Variants in C16orf78 observed in about 807,000 individuals in gnomAD.
The protein encoded by C16orf78 is chromosome 16 open reading frame 78.
A neutral mutation model predicts 27.3 loss-of-function variants in C16orf78; 19 were observed. The observed-to-expected ratio is 0.70, with a 90% confidence interval of 0.49 to 1.02. The LOEUF is 1.02. Ranked by LOEUF, C16orf78 falls within the 50% of genes least tolerant of loss-of-function variation. The pLI is 0.00. For synonymous variants in C16orf78, 130 were observed against 116.1 expected (o/e 1.12, Z -0.77); for missense variants, 339 against 337.0 (o/e 1.01, Z -0.05).
At position 49,396,691 on chromosome 16, in the gene C16orf78, AC is replaced by A. The variant is rs753777579; in HGVS notation, c.650+18del. 1.2e-6 allele frequency: 2 copies of A among 1,602,330 alleles called. No homozygotes were observed. Among genetic ancestry groups the A allele is most frequent in the Admixed American group, 3.3e-5 (2 of 59,902 alleles). Reference sequence around the variant, plus strand: ...TGCTGAGCTGCCGGTGAGAGCTGCCACCCCCTGGGCAGATGGGGTGGGGTCC... The same window carrying A: ...TGCTGAGCTGCCGGTGAGAGCTGCCACCCCTGGGCAGATGGGGTGGGGTCC... On this transcript the variant is annotated intron_variant, in intron 4 of 4. Coordinates refer to ENST00000299191, the MANE Select transcript of C16orf78 (RefSeq NM_144602.4).
rs143423404 is a variant in C16orf78, at chr16:49,378,496, C to T, written c.297C>T (p.Asp99=). 1.2e-5 allele frequency: 19 copies of T among 1,596,658 alleles called. No homozygotes were observed. Among genetic ancestry groups the T allele is most frequent in the Middle Eastern group, 1.6e-4 (1 of 6,068 alleles). ...QQALGKRFRK[D]AASYRSLYGV... ...CCTTAGGAAAGAGATTCAGGAAGGA[C>T]GCCGCCTCCTACCGAAGCCTCTATG... Residue 99 remains aspartate, a synonymous_variant, in exon 3 of 5, where the codon GAC becomes GAT. Transcript: ENST00000299191.
chr16:49,378,768 C>A (rs56152748), intron 3 of C16orf78, among the ~76,000 whole-genome samples, 175 bp downstream of exon 3: 1 of 152,086 alleles, frequency 6.6e-6, no homozygotes. Context: ...CTCCTGGGGT[C>A]GCTCTTGGCA....
intron 3 of C16orf78, among the ~76,000 whole-genome samples, chr16:49,384,113 C>A (rs1035756337): frequency 6.6e-6 from 1 of 152,092 alleles, no homozygotes; most frequent in Non-Finnish European, 1.5e-5. Flanking sequence ...CTTTGGGAGG[C>A]CAAGGCAGGT....
At chr16:49,393,672 AC>A (rs1463374887) in intron 3 of C16orf78, among the ~76,000 whole-genome samples, 2 of 152,080 alleles carry the variant, frequency 1.3e-5, no homozygotes, top group African/African-American at 4.8e-5. Flanking sequence ...AAATGCCAAC[AC>A]TTTTATTAGT....
At chr16:49,378,429 T>A in intron 2 of C16orf78, 41 bp from the exon 3 acceptor site, 1 of 1,544,042 alleles carries the variant, frequency 6.5e-7, no homozygotes, top group Non-Finnish European at 8.7e-7. Flanking sequence ...GCGAGCCAGG[T>A]CCTGTAACTG....
chr16:49,383,280 G>T (rs960719125), intron 3 of C16orf78, among the ~76,000 whole-genome samples: 3 of 152,308 alleles, frequency 2.0e-5, no homozygotes, highest in East Asian at 1.9e-4. Flanking sequence ...CTGGCAAGAG[G>T]ACTAAAATGA....
At position 49,378,300 on chromosome 16, in the gene C16orf78, G is replaced by A. The variant is rs149832738; in HGVS notation, c.271-170G>A. Reference sequence around the variant, plus strand: ...GAGGCGTTGGTGAGCAAGCACCCGTGGGCAGACCCTGCCCCTCCGACCTCT... The same window carrying A: ...GAGGCGTTGGTGAGCAAGCACCCGTAGGCAGACCCTGCCCCTCCGACCTCT... On this transcript the variant is annotated intron_variant, in intron 2 of 4. Transcript: ENST00000299191. 5.2e-3 allele frequency among the ~76,000 whole-genome samples: 786 copies of A among 152,326 alleles called. 2 individuals carry two copies. Among genetic ancestry groups the A allele is most frequent in the Admixed American group, 0.013 (200 of 15,310 alleles).
At chr16:49,374,752 C>T (rs1009778589) in intron 1 of C16orf78, among the ~76,000 whole-genome samples, 2 of 152,174 alleles carry the variant, frequency 1.3e-5, no homozygotes, top group Non-Finnish European at 2.9e-5. Flanking sequence ...TCTTTTCTAC[C>T]CTACATCGAG....
At chr16:49,396,823 A>G in intron 4 of C16orf78, 145 bp downstream of exon 4, 1 of 1,163,502 alleles carries the variant, frequency 8.6e-7, no homozygotes, top group South Asian at 1.6e-5. Flanking sequence ...TTTGGTCCCA[A>G]AGGACTGCTC....
intron 4 of C16orf78, among the ~76,000 whole-genome samples, chr16:49,397,505 C>A (rs1438680965): frequency 1.3e-5 from 2 of 152,212 alleles, no homozygotes; most frequent in African/African-American, 2.4e-5. Context: ...GGTTAACTGG[C>A]TTCCAGATGA....
chr16:49,396,420 C>T lies in C16orf78; in HGVS notation c.395-3C>T. On this transcript the variant is annotated splice_region_variant and splice_polypyrimidine_tract_variant and intron_variant, in intron 3 of 4. Coordinates refer to ENST00000299191, the MANE Select transcript of C16orf78 (RefSeq NM_144602.4). ...CTCTTTGATGGCATCTGTCCAATTTCAGATACAGACATCAAGGATGCAGTC... is the reference window on the plus strand; with the variant it reads ...CTCTTTGATGGCATCTGTCCAATTTTAGATACAGACATCAAGGATGCAGTC... 6.2e-7 allele frequency: 1 copy of T among 1,613,906 alleles called. No individual in the cohort carries two copies. Among genetic ancestry groups the T allele is most frequent in the East Asian group, 2.2e-5 (1 of 44,880 alleles).
chr16:49,392,893 G>A (rs1438811851), intron 3 of C16orf78, among the ~76,000 whole-genome samples: 1 of 152,158 alleles, frequency 6.6e-6, no homozygotes, highest in Admixed American at 6.5e-5. Context: ...GAAACTGGTG[G>A]GAAGTAATTG....
At chr16:49,389,425 CA>C (rs34759541) in intron 3 of C16orf78, among the ~76,000 whole-genome samples, 251 of 140,938 alleles carry the variant, frequency 1.8e-3, no homozygotes, top group Admixed American at 2.0e-3. Flanking sequence ...GACTCCATCT[CA>C]AAAAAAAAAA....
intron 3 of C16orf78, among the ~76,000 whole-genome samples, chr16:49,391,751 A>G (rs962741609): frequency 6.6e-6 from 1 of 152,192 alleles, no homozygotes; most frequent in Non-Finnish European, 1.5e-5. Flanking sequence ...TTATATTGCT[A>G]TCGCTCCTTC....
At chr16:49,387,938 T>C (rs747334755) in intron 3 of C16orf78, among the ~76,000 whole-genome samples, 5 of 152,132 alleles carry the variant, frequency 3.3e-5, no homozygotes, top group African/African-American at 4.8e-5. Context: ...TTGGATCCTG[T>C]CTCTTTTCTT....
At chr16:49,380,607 C>G (rs1965274824) in intron 3 of C16orf78, among the ~76,000 whole-genome samples, 1 of 152,184 alleles carries the variant, frequency 6.6e-6, no homozygotes. Flanking sequence ...TTGGGGTCAA[C>G]AGAGGGAAAG....
At chr16:49,388,125 GA>G (rs374634564) in intron 3 of C16orf78, among the ~76,000 whole-genome samples, 3 of 151,792 alleles carry the variant, frequency 2.0e-5, no homozygotes, top group East Asian at 1.9e-4. Context: ...TCTCTATTAA[GA>G]AAAAAAAATT....
chr16:49,373,872 G>C lies in C16orf78; in HGVS notation c.-68G>C. 1 of 1,586,378 alleles carries C rather than the reference G, an allele frequency of 6.3e-7. No individual in the cohort carries two copies. Among genetic ancestry groups the C allele is most frequent in the Middle Eastern group, 1.8e-4 (1 of 5,538 alleles). ...CTAAGTCACCAGGCCATCAAGTCCA[G>C]ACAAAGGGATCGAAAGAGTGAGACA... On this transcript the variant is annotated 5_prime_UTR_variant, in exon 1 of 5. Transcript: ENST00000299191.
rs369313475 is a variant in C16orf78 at position 49,397,818 on chromosome 16, T to C, written c.650+1140T>C. 1.4e-4 allele frequency among the ~76,000 whole-genome samples: 21 copies of C among 152,212 alleles called. No homozygotes were observed. The East Asian group carries it at 1.7e-3, about 13-fold the overall frequency. ...CCTCTCTCTGTCGCCCAGGCTGGAG[T>C]GCAGTGATGTGATCTCGGCTCACTG... On this transcript the variant is annotated intron_variant, in intron 4 of 4. Transcript: ENST00000299191.
Sources: allele counts gnomAD v4.1 joint callset (sites outside exome capture counted in the v4.1 genomes callset), GRCh38; gene constraint gnomAD v4.1.1; transcripts MANE v1.5; gene names NCBI Gene and HGNC (gene_info 2026-07-23, HGNC 2026-07-21).